Variants in KAZN observed in about 807,000 individuals in gnomAD.
KAZN encodes kazrin.
In KAZN, 40 loss-of-function variants were observed where a neutral mutation model predicts 87.4. The ratio of observed to expected loss-of-function variants is 0.46; its 90% CI spans 0.36 to 0.60. The LOEUF (loss-of-function observed/expected upper bound fraction) is 0.60, where lower values mean the gene tolerates loss of function less well. KAZN is among the 20% of genes least tolerant of loss of function. The pLI, the probability that KAZN is intolerant of heterozygous loss-of-function variation, is 0.00. For missense variants in KAZN, 898 were observed against 1,073.9 expected (o/e 0.84, Z 2.29); for synonymous variants, 466 against 458.3 (o/e 1.02, Z -0.22).
intron 2 of KAZN, among the ~76,000 whole-genome samples, chr1:14,522,350 G>T: frequency 6.6e-6 from 1 of 152,202 alleles, no homozygotes; most frequent in Non-Finnish European, 1.5e-5. Flanking sequence ...GCCTGCAAAA[G>T]TTTGCTCTTT....
intron 2 of KAZN, among the ~76,000 whole-genome samples, chr1:15,001,870 CTTTTTTT>C (rs34948148): frequency 8.7e-5 from 5 of 57,750 alleles, no homozygotes; most frequent in Admixed American, 2.2e-4. Context: ...AAGTCAAAAT[CTTTTTTT>C]TTTTTTTTTT....
chr1:14,188,006 C>T (rs1646344646), intron 2 of KAZN, among the ~76,000 whole-genome samples: 1 of 152,080 alleles, frequency 6.6e-6, no homozygotes, highest in African/African-American at 2.4e-5. Flanking sequence ...AATCCTTGCC[C>T]TCAAGGATCT....
chr1:14,868,021 A>G (rs1297820409), intron 1 of KAZN, among the ~76,000 whole-genome samples: 1 of 75,122 alleles, frequency 1.3e-5, no homozygotes, highest in Non-Finnish European at 3.5e-5. Flanking sequence ...TGGGCATCAC[A>G]CAGGCATGGC....
At chr1:14,748,853 G>A (rs1644333533) in intron 1 of KAZN, among the ~76,000 whole-genome samples, 1 of 152,100 alleles carries the variant, frequency 6.6e-6, no homozygotes, top group East Asian at 1.9e-4. Context: ...CCCTGGATAG[G>A]AAAGTACTGA....
rs1193429468 is a variant in KAZN at position 14,514,388 on chromosome 1, T to A, written c.250-84595T>A. 6.8e-4 allele frequency among the ~76,000 whole-genome samples: 9 copies of A among 13,242 alleles called. 4 individuals are homozygous for A. Among genetic ancestry groups the A allele is most frequent in the Non-Finnish European group, 1.3e-3 (9 of 6,758 alleles). The allele number at this position is 13,242 out of a possible 152,430, so 8.7% of individuals were successfully genotyped here. On this transcript the variant is annotated intron_variant, in intron 2 of 16. Coordinates refer to the KAZN transcript ENST00000636203. The stretch of plus-strand genomic sequence containing the variant: ...ATTTATATATATAATATATATATAT[T>A]ATATATATTTATATATATAATATAT...
At chr1:14,317,263 A>G (rs1402356382) in intron 2 of KAZN, among the ~76,000 whole-genome samples, 1 of 151,902 alleles carries the variant, frequency 6.6e-6, no homozygotes, top group Non-Finnish European at 1.5e-5. Context: ...CCCCTATATC[A>G]TTGTACAATA....
At chr1:14,816,239 C>T (rs1334207628) in intron 1 of KAZN, among the ~76,000 whole-genome samples, 1 of 152,094 alleles carries the variant, frequency 6.6e-6, no homozygotes, top group Non-Finnish European at 1.5e-5. Flanking sequence ...CAGCAATATA[C>T]ATTTATTATT....
chr1:15,080,231 AT>A (rs1017922495), intron 8 of KAZN, among the ~76,000 whole-genome samples: 1 of 152,320 alleles, frequency 6.6e-6, no homozygotes, highest in South Asian at 2.1e-4. Context: ...CGCCCATGTG[AT>A]TTTTTAAAAG....
chr1:13,981,114 T>TATATATATATATATGTAG (rs1638680387), intron 1 of KAZN, among the ~76,000 whole-genome samples: 1 of 137,606 alleles, frequency 7.3e-6, no homozygotes, highest in South Asian at 2.2e-4. Context: ...TATATATGTA[T>TATATATATATATATGTAG]ATATAAACAC....
chr1:14,267,959 CGAAAA>C (rs1343261375), intron 2 of KAZN, among the ~76,000 whole-genome samples: 2 of 151,786 alleles, frequency 1.3e-5, no homozygotes, highest in Non-Finnish European at 2.9e-5. Flanking sequence ...GACTCTGTCT[CGAAAA>C]GAAAAGAGAA....
chr1:14,064,864 C>A (rs1642947054), intron 1 of KAZN, among the ~76,000 whole-genome samples: 1 of 152,296 alleles, frequency 6.6e-6, no homozygotes, highest in East Asian at 1.9e-4. Context: ...TATCCTGGGG[C>A]TTGTCCAGGC....
intron 1 of KAZN, among the ~76,000 whole-genome samples, chr1:14,644,438 T>C (rs559042888): frequency 6.6e-6 from 1 of 150,588 alleles, no homozygotes; most frequent in African/African-American, 2.4e-5. Context: ...CTCGGCTCAC[T>C]GCAAGCTCCG....
intron 2 of KAZN, among the ~76,000 whole-genome samples, chr1:14,501,488 T>C (rs1670249849): frequency 1.3e-5 from 2 of 152,322 alleles, no homozygotes; most frequent in South Asian, 4.1e-4. Context: ...ATTCTATTTC[T>C]ATACATTAGC....
intron 1 of KAZN, among the ~76,000 whole-genome samples, chr1:14,648,780 T>C (rs866742056): frequency 1.8e-4 from 28 of 152,192 alleles, no homozygotes; most frequent in African/African-American, 6.5e-4. Context: ...TGCTCACTAA[T>C]GTAGTTTGTG....
intron 2 of KAZN, among the ~76,000 whole-genome samples, chr1:14,503,815 G>A (rs976095360): frequency 1.3e-5 from 2 of 152,066 alleles, no homozygotes; most frequent in Non-Finnish European, 1.5e-5. Flanking sequence ...TCCTCTTAGG[G>A]CCAGGGGCTC....
At chr1:14,046,263 C>T (rs1642068632) in intron 1 of KAZN, among the ~76,000 whole-genome samples, 1 of 152,084 alleles carries the variant, frequency 6.6e-6, no homozygotes, top group South Asian at 2.1e-4. Context: ...AAATCCTAAT[C>T]CCAGATGCAG....
At chr1:14,892,691 G>T (rs1237776134) in intron 1 of KAZN, among the ~76,000 whole-genome samples, 3 of 152,150 alleles carry the variant, frequency 2.0e-5, no homozygotes, top group Admixed American at 6.5e-5. Flanking sequence ...CATGGCTCAG[G>T]GTTCATAGGG....
intron 1 of KAZN, among the ~76,000 whole-genome samples, chr1:14,064,784 T>G (rs1642942736): frequency 3.3e-5 from 5 of 152,006 alleles, no homozygotes; most frequent in Admixed American, 3.3e-4. Flanking sequence ...TGACTGTGCT[T>G]CTCCCTCCCC....
exon 1 of KAZN, chr1:13,893,582 G>C (rs775652736): frequency 5.1e-4 from 766 of 1,515,670 alleles, no homozygotes; most frequent in Admixed American, 6.3e-4. Flanking sequence ...TGCAGTTCCT[G>C]GGCCAGCGAC....
Sources: allele counts gnomAD v4.1 joint callset (sites outside exome capture counted in the v4.1 genomes callset), GRCh38; gene constraint gnomAD v4.1.1; transcripts MANE v1.5; gene names NCBI Gene and HGNC (gene_info 2026-07-23, HGNC 2026-07-21).